Variants in SMG6 observed in about 807,000 individuals in gnomAD.
SMG6 encodes the protein SMG6 nonsense mediated mRNA decay factor, also known as telomerase-binding protein EST1A.
SMG6 carries 66 observed loss-of-function variants against 142.2 expected under a neutral mutation model. The observed-to-expected ratio is 0.46, with a 90% confidence interval of 0.38 to 0.57. The LOEUF (loss-of-function observed/expected upper bound fraction) is 0.57, where lower values mean the gene tolerates loss of function less well. SMG6 is among the 20% of genes least tolerant of loss of function. The probability of loss-of-function intolerance (pLI) is 0.00; values close to 1 mark genes in which losing one functional copy is unlikely to be tolerated. For synonymous variants in SMG6, 779 were observed against 702.4 expected, an observed-to-expected ratio of 1.11 and a Z score of -1.72; for missense variants, 1,793 against 1,832.0, an observed-to-expected ratio of 0.98 and a Z score of 0.39.
In SMG6 at chr17:2,300,164, T is replaced by C. The variant is rs1049519785; in HGVS notation, c.589A>G (p.Arg197Gly). ...AKEEVANKPD[R>G]AEIEKSPGGG... ...CCTGGGCTCTTTTCTATCTCAGCCC[T>C]GTCTGGTTTATTCGCAACTTCCTCC... The change falls in exon 2 of 19, where the codon AGG (arginine) becomes GGG (glycine). Residue 197 changes from arginine to glycine, a missense_variant. By Grantham distance (125) the Arg-to-Gly change is moderately radical. Coordinates refer to ENST00000263073, the MANE Select transcript of SMG6 (RefSeq NM_017575.5). 2 of 1,613,948 alleles carry C rather than the reference T, an allele frequency of 1.2e-6. No individual in the cohort carries two copies. Among genetic ancestry groups the C allele is most frequent in the Non-Finnish European group, 8.5e-7 (1 of 1,179,984 alleles).
At chr17:2,131,519 T>G (rs933634022) in intron 13 of SMG6, among the ~76,000 whole-genome samples, 2 of 152,084 alleles carry the variant, frequency 1.3e-5, no homozygotes, top group Non-Finnish European at 2.9e-5. Flanking sequence ...AGGGTGGTCT[T>G]GAACTCCTAA....
chr17:2,170,839 T>TA (rs2071481347), intron 13 of SMG6, among the ~76,000 whole-genome samples: 2 of 152,112 alleles, frequency 1.3e-5, no homozygotes, highest in Admixed American at 6.6e-5. Context: ...TTCATAACTG[T>TA]AAAAAAATTG....
chr17:2,283,895 T>C (rs1387322509), intron 6 of SMG6, among the ~76,000 whole-genome samples, 160 bp from the exon 7 acceptor site: 1 of 152,154 alleles, frequency 6.6e-6, no homozygotes, highest in Non-Finnish European at 1.5e-5. Flanking sequence ...GGAGAAGCCA[T>C]TGCAATTACA....
intron 13 of SMG6, among the ~76,000 whole-genome samples, chr17:2,105,783 C>A (rs1294835016): frequency 6.6e-6 from 1 of 152,168 alleles, no homozygotes; most frequent in Non-Finnish European, 1.5e-5. Context: ...ATAATATGGG[C>A]AAAACCTCAG....
chr17:2,108,967 T>G (rs1333290611), intron 13 of SMG6, among the ~76,000 whole-genome samples: 1 of 152,146 alleles, frequency 6.6e-6, no homozygotes. Context: ...TTTTATCTCA[T>G]TTAATCCTTA....
intron 8 of SMG6, among the ~76,000 whole-genome samples, chr17:2,258,003 T>G (rs1407370423): frequency 2.0e-5 from 2 of 101,974 alleles, no homozygotes; most frequent in African/African-American, 4.5e-5. Flanking sequence ...AGCGAGACTC[T>G]GTCGCAAAAA....
At position 2,086,049 on chromosome 17, in the gene SMG6, A is replaced by C. The variant is rs1597362490; in HGVS notation, c.3358-148T>G. On this transcript the variant is annotated intron_variant, in intron 13 of 18. Coordinates refer to ENST00000263073, the MANE Select transcript of SMG6 (RefSeq NM_017575.5). ...GAATGAATGACGGGGTGCGGAGGGCACAAGGGCATGTCAGGTGGTAAGTGA... is the reference window on the plus strand; with the variant it reads ...GAATGAATGACGGGGTGCGGAGGGCCCAAGGGCATGTCAGGTGGTAAGTGA... 1.0e-5 allele frequency: 8 copies of C among 783,782 alleles called. No homozygotes were observed. In the East Asian group the frequency reaches 2.0e-4, roughly 20 times the overall value. The allele number at this position is 783,782 out of a possible 1,614,324, so 48.6% of individuals were successfully genotyped here.
At position 2,268,013 on chromosome 17, in the gene SMG6, C is replaced by A. The variant is rs560736640; in HGVS notation, c.2661+14634G>T. On this transcript the variant is annotated intron_variant, in intron 8 of 18. Transcript: ENST00000263073. ...CCGCCTGCCTTGGCCTCCCAAAGTGCTGGGATTACAGGCGTGAGCCACTGC... is the reference window on the plus strand; with the variant it reads ...CCGCCTGCCTTGGCCTCCCAAAGTGATGGGATTACAGGCGTGAGCCACTGC... Among the ~76,000 whole-genome samples the A allele has an allele frequency of 8.5e-4, 129 of 152,222 alleles. 2 individuals carry two copies. In the Middle Eastern group the frequency reaches 0.01, roughly 12 times the overall value.
intron 13 of SMG6, among the ~76,000 whole-genome samples, chr17:2,140,900 G>GGAATCACC (rs2070458236): frequency 6.6e-6 from 1 of 152,198 alleles, no homozygotes; most frequent in African/African-American, 2.4e-5. Flanking sequence ...TGGAGAGCTT[G>GGAATCACC]TTAAATGAGC....
At position 2,186,786 on chromosome 17, in the gene SMG6, T is replaced by C. The variant is rs768399085; in HGVS notation, c.3032A>G (p.Lys1011Arg). ...PEDQDDQDDI[K>R]VSSFVPDLKE... is the part of the protein sequence containing the mutation. ...CAGGTCCGGGACAAAGGAAGACACCTTGATGTCGTCTTGGTCATCCTGGTC... is the reference window on the plus strand; with the variant it reads ...CAGGTCCGGGACAAAGGAAGACACCCTGATGTCGTCTTGGTCATCCTGGTC... Residue 1011 changes from lysine (K) to arginine (R), a missense_variant, in exon 12 of 19, where the codon AAG becomes AGG. By Grantham distance (26) the Lys-to-Arg change is conservative (BLOSUM62 2). This residue lies in a region of SMG6 where 1,597 missense variants were observed against 1,584.6 expected (regional missense o/e 1.01). Transcript: ENST00000263073. 2.5e-6 allele frequency: 4 copies of C among 1,614,214 alleles called. No homozygotes were observed. The South Asian group carries it at 3.3e-5, about 13-fold the overall frequency.
intron 10 of SMG6, among the ~76,000 whole-genome samples, chr17:2,206,165 A>G (rs2072675169): frequency 6.6e-6 from 1 of 152,182 alleles, no homozygotes; most frequent in Non-Finnish European, 1.5e-5. Flanking sequence ...AAGATACCCC[A>G]AAAATAGTAT....
chr17:2,292,962 T>G lies in SMG6; in HGVS notation c.2167A>C (p.Ile723Leu). 6.2e-7 allele frequency: 1 copy of G among 1,613,872 alleles called. No homozygotes were observed. The highest frequency in any genetic ancestry group is 8.5e-7 in the Non-Finnish European group (1 of 1,179,750). ...CATATCATGCATCGCTGGGCACTGATCAAGGCATATTTTACCTTCAGGAAA... is the reference window on the plus strand; with the variant it reads ...CATATCATGCATCGCTGGGCACTGAGCAAGGCATATTTTACCTTCAGGAAA... ...PLRKTVKYAL[I>L]SAQRCMICQG... Residue 723 changes from isoleucine to leucine, a missense_variant, in exon 5 of 19, where the codon ATC (isoleucine) becomes CTC (leucine). Ile to Leu is a conservative substitution (Grantham distance 5). Around this residue, in one of 3 missense-constraint regions of SMG6, gnomAD observed 1,597 missense variants for 1,584.6 expected, o/e 1.01. Transcript: ENST00000263073.
intron 6 of SMG6, among the ~76,000 whole-genome samples, chr17:2,284,025 T>G (rs916117785): frequency 1.3e-5 from 2 of 150,026 alleles, no homozygotes; most frequent in African/African-American, 5.1e-5. Flanking sequence ...AATTACATCT[T>G]GTTCTTAGAA....
At chr17:2,147,471 G>A (rs1356066330) in intron 13 of SMG6, among the ~76,000 whole-genome samples, 2 of 152,098 alleles carry the variant, frequency 1.3e-5, no homozygotes, top group Admixed American at 1.3e-4. Flanking sequence ...GCGTAGTGGT[G>A]CACACGAGTA....
chr17:2,256,967 TG>T (rs1443459466), intron 8 of SMG6, among the ~76,000 whole-genome samples: 4 of 151,994 alleles, frequency 2.6e-5, no homozygotes, highest in Non-Finnish European at 2.9e-5. Flanking sequence ...TATGTATGTA[TG>T]TATGTATTTA....
chr17:2,196,140 G>A (rs1204151795), intron 10 of SMG6, among the ~76,000 whole-genome samples: 1 of 152,190 alleles, frequency 6.6e-6, no homozygotes, highest in African/African-American at 2.4e-5. Flanking sequence ...CAAAGACAAA[G>A]CCAGGCATGG....
chr17:2,171,765 C>T (rs193034280), intron 13 of SMG6, among the ~76,000 whole-genome samples: 32 of 150,180 alleles, frequency 2.1e-4, no homozygotes, highest in African/African-American at 7.8e-4. Context: ...CTCCCTATGT[C>T]CCTAGTATAT....
chr17:2,089,078 G>C (rs2068643223), intron 13 of SMG6, among the ~76,000 whole-genome samples: 1 of 152,162 alleles, frequency 6.6e-6, no homozygotes, highest in African/African-American at 2.4e-5. Context: ...CTTCCTGGTA[G>C]GAGAGGGGTT....
At chr17:2,156,217 C>G (rs2151612390) in intron 13 of SMG6, among the ~76,000 whole-genome samples, 1 of 150,854 alleles carries the variant, frequency 6.6e-6, no homozygotes, top group East Asian at 1.9e-4. Flanking sequence ...TAATGAAACT[C>G]TGTCTCTACT....
Sources: gnomAD v4.1 joint callset for allele counts (sites outside exome capture counted in the v4.1 genomes callset) on GRCh38, gnomAD v4.1.1 for gene constraint, gnomAD v4.1.1 regional missense constraint, MANE v1.5 for transcripts, NCBI Gene and HGNC (gene_info 2026-07-23, HGNC 2026-07-21) for gene names.